CEP170B: variants seen among roughly 807,000 people sequenced by gnomAD.
CEP170B encodes centrosomal protein of 170 kDa protein B.
Under a neutral mutation model 120.6 loss-of-function variants are expected in CEP170B, and 55 were observed. The ratio of observed to expected loss-of-function variants is 0.46; its 90% CI spans 0.37 to 0.57. The LOEUF (loss-of-function observed/expected upper bound fraction) is 0.57. Among genes scored for constraint, CEP170B ranks in the 20% least tolerant of loss-of-function variants. The pLI is 0.00. For synonymous variants in CEP170B, 1,033 were observed against 954.5 expected (o/e 1.08, Z -1.52); for missense variants, 2,212 against 2,253.3 (o/e 0.98, Z 0.37).
At chr14:104,890,906 T>G (rs1332731573) in intron 13 of CEP170B, among the ~76,000 whole-genome samples, 2 of 112,686 alleles carry the variant, frequency 1.8e-5, no homozygotes, top group African/African-American at 3.6e-5. Flanking sequence ...GATGGAGGGA[T>G]GGATGGATGG....
chr14:104,893,142 C>A lies in CEP170B; in HGVS notation c.4038+7C>A. 1 of 1,605,066 alleles carries A rather than the reference C, an allele frequency of 6.2e-7. No individual in the cohort carries two copies. On this transcript the variant is annotated splice_region_variant and intron_variant, in intron 14 of 18. Transcript: ENST00000414716. Reference sequence around the variant, plus strand: ...CATCTCTGCCCGGGAGGAGGTGAGCCCCAGGCTTTCTGAGGCCCCTGTGCC... The same window carrying A: ...CATCTCTGCCCGGGAGGAGGTGAGCACCAGGCTTTCTGAGGCCCCTGTGCC...
At position 104,887,746 on chromosome 14, in the gene CEP170B, C is replaced by T. The variant is rs773170650; in HGVS notation, c.3507C>T (p.Ile1169=). 4 of 1,580,512 alleles carry T rather than the reference C, an allele frequency of 2.5e-6. No individual in the cohort carries two copies. In the Admixed American group the frequency reaches 7.0e-5, roughly 28 times the overall value. Residue 1169 remains isoleucine (I), a synonymous_variant, in exon 12 of 19, where the codon ATC becomes ATT. Coordinates refer to ENST00000414716, the MANE Select transcript of CEP170B (RefSeq NM_001112726.3). The part of the protein sequence containing the change: ...EQAKKLSRLD[I]LAMPRKRAGS... ...CCAAGAAGCTGTCACGCCTGGACAT[C>T]CTGGCCATGCCCCGGAAGCGGGCCG... is the stretch of plus-strand genomic sequence containing the variant.
Position 104,868,757 on chromosome 14 carries a change from G to T in CEP170B, c.105+202G>T, listed in dbSNP as rs2140615668. ...TGGGTGCGTGCAGGGGTGTGTGTGTGCTCACAGGCTCGGGTCCCTGCCCCG... is the reference window on the plus strand; with the variant it reads ...TGGGTGCGTGCAGGGGTGTGTGTGTTCTCACAGGCTCGGGTCCCTGCCCCG... On this transcript the variant is annotated intron_variant, in intron 2 of 18. Coordinates refer to ENST00000414716, the MANE Select transcript of CEP170B (RefSeq NM_001112726.3). The surrounding 1 kb of genome is among the most constrained non-coding windows in gnomAD (Gnocchi z 5.9). 6.6e-6 allele frequency among the ~76,000 whole-genome samples: 1 copy of T among 152,290 alleles called. No individual in the cohort carries two copies. The highest frequency in any genetic ancestry group is 1.9e-4 in the East Asian group (1 of 5,174).
intron 13 of CEP170B, 128 bp downstream of exon 13, chr14:104,889,886 C>G: frequency 3.3e-6 from 3 of 914,604 alleles, no homozygotes; most frequent in Non-Finnish European, 4.8e-6. Context: ...AGATGGCTGG[C>G]TGGCTGGATG....
At position 104,867,075 on chromosome 14, in the gene CEP170B, CCTT is replaced by C. The variant is rs1392363783; in HGVS notation, c.-27-1346_-27-1344del. Among the ~76,000 whole-genome samples, 4 of 152,202 alleles carry C rather than the reference CCTT, an allele frequency of 2.6e-5. No individual in the cohort carries two copies. Among genetic ancestry groups the C allele is most frequent in the South Asian group, 2.1e-4 (1 of 4,832 alleles). On this transcript the variant is annotated intron_variant, in intron 1 of 18. Coordinates refer to ENST00000414716, the MANE Select transcript of CEP170B (RefSeq NM_001112726.3). This position sits in a 1 kb window ranked among gnomAD's most constrained non-coding sequence, Gnocchi z 5.4. ...CGCATGTGGCATCTTGCTCAGCTCT[CCTT>C]CTCAGTTTTTGAATAAGGGTACCGC...
chr14:104,868,394 GCC>G lies in CEP170B; in HGVS notation c.-27-27_-27-26del, dbSNP rs1200430440. The G allele has an allele frequency of 8.2e-6, 12 of 1,471,154 alleles. No individual in the cohort carries two copies. Among genetic ancestry groups the G allele is most frequent in the Non-Finnish European group, 9.3e-7 (1 of 1,080,966 alleles). The allele number at this position is 1,471,154 out of a possible 1,614,324, so 91.1% of individuals were successfully genotyped here. ...AGGGGGCTAAGAACCAGGCCAGGGA[GCC>G]CCACTCTAACAATCCCCTCTTCCCC... On this transcript the variant is annotated intron_variant, in intron 1 of 18. Coordinates refer to ENST00000414716, the MANE Select transcript of CEP170B (RefSeq NM_001112726.3). This position sits in a 1 kb window ranked among gnomAD's most constrained non-coding sequence, Gnocchi z 5.9.
intron 2 of CEP170B, among the ~76,000 whole-genome samples, chr14:104,869,530 C>G (rs1424867238): frequency 6.6e-6 from 1 of 152,174 alleles, no homozygotes; most frequent in Non-Finnish European, 1.5e-5. Context: ...CCAGGGCAGC[C>G]CCACCCGATA....
chr14:104,869,575 G>A (rs1895368720), intron 2 of CEP170B, among the ~76,000 whole-genome samples: 2 of 152,316 alleles, frequency 1.3e-5, no homozygotes, highest in Non-Finnish European at 1.5e-5. Flanking sequence ...GGGAAGGTTT[G>A]TGTCCCCTGC....
rs1205702627 is a variant in CEP170B at position 104,870,074 on chromosome 14, G to A, written c.105+1519G>A. 2.6e-5 allele frequency among the ~76,000 whole-genome samples: 4 copies of A among 150,946 alleles called. No homozygotes were observed. Among genetic ancestry groups the A allele is most frequent in the Non-Finnish European group, 5.9e-5 (4 of 67,692 alleles). On this transcript the variant is annotated intron_variant, in intron 2 of 18. Coordinates refer to ENST00000414716, the MANE Select transcript of CEP170B (RefSeq NM_001112726.3). This position sits in a 1 kb window ranked among gnomAD's most constrained non-coding sequence, Gnocchi z 4.1. ...ATGCCTTTGGTAGCGGGAGAGAGTC[G>A]GTGGCTGGGGGCAGGAGTCGGCAAA...
intron 2 of CEP170B, among the ~76,000 whole-genome samples, chr14:104,869,018 A>G (rs893603054): frequency 1.3e-5 from 2 of 152,070 alleles, no homozygotes; most frequent in African/African-American, 2.4e-5. Flanking sequence ...CACCCTGGTG[A>G]AGGCTAGTGC....
chr14:104,882,364 A>G (rs1425714288), intron 6 of CEP170B, among the ~76,000 whole-genome samples: 1 of 152,084 alleles, frequency 6.6e-6, no homozygotes, highest in African/African-American at 2.4e-5. Context: ...GGGGTCGGGA[A>G]GGCCGGGGCA....
chr14:104,865,080 G>A (rs1895123202), upstream of CEP170B, among the ~76,000 whole-genome samples: 1 of 151,048 alleles, frequency 6.6e-6, no homozygotes, highest in Admixed American at 6.6e-5. This position sits in a 1 kb window ranked among gnomAD's most constrained non-coding sequence, Gnocchi z 6.7. Context: ...GCGGGATGGC[G>A]GCTCGCCAAG....
chr14:104,870,834 C>T lies in CEP170B; in HGVS notation c.105+2279C>T, dbSNP rs1019879114. 6.6e-6 allele frequency among the ~76,000 whole-genome samples: 1 copy of T among 152,074 alleles called. No individual in the cohort carries two copies. Among genetic ancestry groups the T allele is most frequent in the Non-Finnish European group, 1.5e-5 (1 of 67,988 alleles). On this transcript the variant is annotated intron_variant, in intron 2 of 18. Coordinates refer to ENST00000414716, the MANE Select transcript of CEP170B (RefSeq NM_001112726.3). This position sits in a 1 kb window ranked among gnomAD's most constrained non-coding sequence, Gnocchi z 4.1. Reference sequence around the variant, plus strand: ...GTGGTGTCACCATTGTAAGATGTATCTCCATGGGGAAACTGAGGCTCAGGG... The same window carrying T: ...GTGGTGTCACCATTGTAAGATGTATTTCCATGGGGAAACTGAGGCTCAGGG...
In CEP170B at chr14:104,886,323, T is replaced by G. The variant is rs1356580329; in HGVS notation, c.2084T>G (p.Val695Gly). 1 of 1,552,168 alleles carries G rather than the reference T, an allele frequency of 6.4e-7. No individual in the cohort carries two copies. ...GGGGAGCCGGAGGGGTCCCTGCCTG[T>G]GCGCATGCGGCGACGGCTCCCTCAG... The part of the protein sequence containing the change: ...RGGEPEGSLP[V>G]RMRRRLPQLP... Residue 695 changes from valine (V) to glycine (G), a missense_variant, in exon 12 of 19, where the codon GTG becomes GGG. Coordinates refer to ENST00000414716, the MANE Select transcript of CEP170B (RefSeq NM_001112726.3).
rs1397558855 is a variant in CEP170B at position 104,895,459 on chromosome 14, C to T, written c.*501C>T. On this transcript the variant is annotated 3_prime_UTR_variant, in exon 19 of 19. Transcript: ENST00000414716. ...ATGGAGGTGGGCAGGCTCACCTGTT[C>T]CTGGGACTGTCTGAGATGGCAGGGC... 1 of 153,326 alleles carries T rather than the reference C, an allele frequency of 6.5e-6. No homozygotes were observed. Among genetic ancestry groups the T allele is most frequent in the African/African-American group, 2.4e-5 (1 of 41,496 alleles). 9.5% of individuals were successfully genotyped at this position (153,326 alleles called of 1,614,324 possible).
intron 2 of CEP170B, 106 bp from the exon 3 acceptor site, chr14:104,876,150 A>G: frequency 9.7e-7 from 1 of 1,034,968 alleles, no homozygotes; most frequent in East Asian, 2.6e-5. Context: ...CCTGGGGGCC[A>G]CTGCTGGTGT....
chr14:104,872,208 C>T (rs1403634602), intron 2 of CEP170B, among the ~76,000 whole-genome samples: 6 of 119,632 alleles, frequency 5.0e-5, no homozygotes, highest in Middle Eastern at 7.7e-3. Context: ...CGTGGGTGTG[C>T]GTGTGTGTAC....
chr14:104,865,274 C>A lies in CEP170B; in HGVS notation c.-267C>A, dbSNP rs909577147. Reference sequence around the variant, plus strand: ...GCGGGGCTGAGCCTCCCGCAGACGTCAGGGACCCGCGCGCGAGGCCGCCGG... The same window carrying A: ...GCGGGGCTGAGCCTCCCGCAGACGTAAGGGACCCGCGCGCGAGGCCGCCGG... On this transcript the variant is annotated 5_prime_UTR_variant, in exon 1 of 19. Transcript: ENST00000414716. This position sits in a 1 kb window ranked among gnomAD's most constrained non-coding sequence, Gnocchi z 6.7. 1 of 146,048 alleles carries A rather than the reference C, an allele frequency of 6.8e-6. No individual in the cohort carries two copies. Among genetic ancestry groups the A allele is most frequent in the Non-Finnish European group, 1.5e-5 (1 of 65,556 alleles). 9.0% of individuals were successfully genotyped at this position (146,048 alleles called of 1,614,324 possible).
In CEP170B at chr14:104,876,242, G is replaced by C; in HGVS notation, c.106-14G>C. Reference sequence around the variant, plus strand: ...CCCCTGGAGCACCTGAGGGCTGGCTGTGTGTCTCTCCAGTCCCGCAGCGTG... The same window carrying C: ...CCCCTGGAGCACCTGAGGGCTGGCTCTGTGTCTCTCCAGTCCCGCAGCGTG... On this transcript the variant is annotated splice_polypyrimidine_tract_variant and intron_variant, in intron 2 of 18. Coordinates refer to ENST00000414716, the MANE Select transcript of CEP170B (RefSeq NM_001112726.3). 1 of 1,550,416 alleles carries C rather than the reference G, an allele frequency of 6.4e-7. No individual in the cohort carries two copies. Among genetic ancestry groups the C allele is most frequent in the Non-Finnish European group, 8.7e-7 (1 of 1,146,688 alleles).
Sources: gnomAD v4.1 joint callset for allele counts (sites outside exome capture counted in the v4.1 genomes callset) on GRCh38, gnomAD v4.1.1 for gene constraint, Gnocchi (gnomAD v3.1) non-coding constraint, MANE v1.5 for transcripts, NCBI Gene and HGNC (gene_info 2026-07-23, HGNC 2026-07-21) for gene names.